Variants in RHOBTB1 observed in about 807,000 individuals in gnomAD.
The protein encoded by RHOBTB1 is rho-related BTB domain-containing protein 1.
A neutral mutation model predicts 71.6 loss-of-function variants in RHOBTB1; 40 were observed. The ratio of observed to expected loss-of-function variants is 0.56; its 90% CI spans 0.43 to 0.73. The LOEUF is 0.73. Among genes scored for constraint, RHOBTB1 ranks in the 30% least tolerant of loss-of-function variants. The pLI is 0.00. For missense variants in RHOBTB1, 797 were observed against 894.0 expected (o/e 0.89, Z 1.38); for synonymous variants, 319 against 334.9 (o/e 0.95, Z 0.52).
At chr10:60,934,385 C>T (rs1198916111) in intron 2 of RHOBTB1, among the ~76,000 whole-genome samples, 3 of 152,168 alleles carry the variant, frequency 2.0e-5, no homozygotes. Context: ...ATAGGCCCAA[C>T]CACAAAACCT....
chr10:60,922,383 A>G (rs970823937), intron 2 of RHOBTB1, among the ~76,000 whole-genome samples: 2 of 152,172 alleles, frequency 1.3e-5, no homozygotes, highest in South Asian at 2.1e-4. Flanking sequence ...CTCCTTTACC[A>G]TCATCTCATT....
upstream of RHOBTB1, among the ~76,000 whole-genome samples, chr10:60,947,409 C>A (rs2085273497): frequency 6.6e-6 from 1 of 152,108 alleles, no homozygotes; most frequent in South Asian, 2.1e-4. Flanking sequence ...TAAAAAAAAT[C>A]CCACAAGCTA....
At chr10:60,959,440 A>C (rs548566703) in intron 2 of RHOBTB1, among the ~76,000 whole-genome samples, 74 of 152,292 alleles carry the variant, frequency 4.9e-4, no homozygotes, top group African/African-American at 1.7e-3. Context: ...TTTAAAAGCT[A>C]CGTGGACAAG....
intron 2 of RHOBTB1, among the ~76,000 whole-genome samples, chr10:60,972,497 G>A (rs541980435): frequency 6.6e-6 from 1 of 152,158 alleles, no homozygotes; most frequent in South Asian, 2.1e-4. Flanking sequence ...AGAACACAGG[G>A]ACACAGGAAG....
intron 4 of RHOBTB1, among the ~76,000 whole-genome samples, chr10:60,894,309 G>T (rs541293240): frequency 6.0e-4 from 92 of 152,258 alleles, no homozygotes; most frequent in African/African-American, 2.0e-3. Context: ...AAAATCCTGA[G>T]ATTAAAATAT....
Position 60,888,429 on chromosome 10 carries a change from G to C in RHOBTB1, c.1239C>G (p.Thr413=), listed in dbSNP as rs770156188. The C allele has an allele frequency of 6.2e-7, 1 of 1,614,142 alleles. No homozygotes were observed. The highest frequency in any genetic ancestry group is 1.1e-5 in the South Asian group (1 of 91,080). Residue 413 remains threonine (T), a synonymous_variant, in exon 6 of 11, where the codon ACC becomes ACG. Coordinates refer to ENST00000337910, the MANE Select transcript of RHOBTB1 (RefSeq NM_014836.5). ...DASVQPGPFR[T]LLQFLYTGQL... is the part of the protein sequence containing the mutation. Reference sequence around the variant, plus strand: ...GTCCCGTATAAAGAAACTGGAGCAGGGTCCGAAAAGGGCCTGGCTGGACTG... The same window carrying C: ...GTCCCGTATAAAGAAACTGGAGCAGCGTCCGAAAAGGGCCTGGCTGGACTG...
At chr10:60,862,034 A>C in the RHOBTB1 span, among the ~76,000 whole-genome samples, 1 of 151,984 alleles carries the variant, frequency 6.6e-6, no homozygotes, top group Non-Finnish European at 1.5e-5. Flanking sequence ...CGGGTTCTAC[A>C]TGGGCTCTAA....
At chr10:60,951,240 C>T (rs2085398196) in intron 2 of RHOBTB1, among the ~76,000 whole-genome samples, 1 of 152,118 alleles carries the variant, frequency 6.6e-6, no homozygotes, top group African/African-American at 2.4e-5. Context: ...GCTTTAGAAA[C>T]ACCAGTGTCC....
chr10:60,938,638 A>G (rs577120899), intron 2 of RHOBTB1, among the ~76,000 whole-genome samples: 1 of 152,352 alleles, frequency 6.6e-6, no homozygotes, highest in East Asian at 1.9e-4. Flanking sequence ...CAAAATTTAC[A>G]AAGTAGAAAC....
At chr10:60,986,433 A>ATAAT (rs35572813) in intron 1 of RHOBTB1, among the ~76,000 whole-genome samples, 3 of 136,402 alleles carry the variant, frequency 2.2e-5, no homozygotes, top group Non-Finnish European at 4.6e-5. Context: ...ATATATATAA[A>ATAAT]ATATATATAG....
At chr10:60,882,362 A>C (rs1422940067) in intron 7 of RHOBTB1, among the ~76,000 whole-genome samples, 2 of 152,176 alleles carry the variant, frequency 1.3e-5, no homozygotes, top group African/African-American at 4.8e-5. Flanking sequence ...AGTATCCTAG[A>C]TCCAAAGCAT....
intron 8 of RHOBTB1, among the ~76,000 whole-genome samples, chr10:60,875,929 A>T (rs2081031724): frequency 6.6e-6 from 1 of 152,202 alleles, no homozygotes; most frequent in South Asian, 2.1e-4. Context: ...TTTGACATTG[A>T]TGTCATCTGT....
In RHOBTB1 at chr10:60,871,316, T is replaced by C. The variant is rs1334193294; in HGVS notation, c.*166A>G. 3 of 619,776 alleles carry C rather than the reference T, an allele frequency of 4.8e-6. No individual in the cohort carries two copies. The highest frequency in any genetic ancestry group is 8.1e-6 in the Non-Finnish European group (3 of 370,104). 38.4% of individuals were successfully genotyped at this position (619,776 alleles called of 1,614,324 possible). ...TCCAGGCTCATTGATGGTGAGCTTGTGCTTTGATCCTAACAAAGATAAATG... is the reference window on the plus strand; with the variant it reads ...TCCAGGCTCATTGATGGTGAGCTTGCGCTTTGATCCTAACAAAGATAAATG... On this transcript the variant is annotated 3_prime_UTR_variant, in exon 11 of 11. Coordinates refer to ENST00000337910, the MANE Select transcript of RHOBTB1 (RefSeq NM_014836.5).
downstream of RHOBTB1, among the ~76,000 whole-genome samples, chr10:60,868,527 A>G (rs2080653400): frequency 6.6e-6 from 1 of 152,194 alleles, no homozygotes; most frequent in African/African-American, 2.4e-5. Flanking sequence ...TTTGACAACT[A>G]ATATACCATA....
intron 2 of RHOBTB1, among the ~76,000 whole-genome samples, chr10:60,959,769 G>A (rs1018797344): frequency 1.9e-4 from 29 of 152,138 alleles, no homozygotes; most frequent in Non-Finnish European, 4.3e-4. Context: ...GACTTGGAAT[G>A]AATCAGAACT....
chr10:60,881,949 AAAC>A (rs879739618), intron 7 of RHOBTB1, among the ~76,000 whole-genome samples: 1 of 152,112 alleles, frequency 6.6e-6, no homozygotes, highest in South Asian at 2.1e-4. Context: ...TCTTTTTGGC[AAAC>A]AACATTAGGG....
Position 60,897,085 on chromosome 10 carries a change from T to C in RHOBTB1, c.297-4090A>G, listed in dbSNP as rs529276221. ...GGAGTACATGCAAAGTTGGGACCAA[T>C]CTTTGTTGGAGGATTAAAGAAAAAA... On this transcript the variant is annotated intron_variant, in intron 4 of 10. Coordinates refer to ENST00000337910, the MANE Select transcript of RHOBTB1 (RefSeq NM_014836.5). Among the ~76,000 whole-genome samples, 7 of 152,244 alleles carry C rather than the reference T, an allele frequency of 4.6e-5. No individual in the cohort carries two copies. The South Asian group carries it at 1.2e-3, about 27-fold the overall frequency.
chr10:60,932,513 T>TAAAAAAAAAA lies in RHOBTB1; in HGVS notation c.-11+9281_-11+9290dup, dbSNP rs3049595. Among the ~76,000 whole-genome samples the TAAAAAAAAAA allele has an allele frequency of 6.5e-5, 7 of 107,892 alleles. 1 individual carries two copies. The highest frequency in any genetic ancestry group is 9.3e-3 in the Middle Eastern group (2 of 214). 70.8% of individuals were successfully genotyped at this position (107,892 alleles called of 152,430 possible). A position where few individuals can be genotyped will look rare whatever the true frequency, so the allele number is the denominator to read the frequency against. ...GTTATACTTCAATACTTTCTTAAAGTAAAAAAAAAAAAAAAAAAAGACAGA... is the reference window on the plus strand; with the variant it reads ...GTTATACTTCAATACTTTCTTAAAGTAAAAAAAAAAAAAAAAAAAAAAAAAAAAAGACAGA... On this transcript the variant is annotated intron_variant, in intron 2 of 10. Coordinates refer to ENST00000337910, the MANE Select transcript of RHOBTB1 (RefSeq NM_014836.5).
At chr10:60,913,650 G>C (rs550699761) in intron 2 of RHOBTB1, among the ~76,000 whole-genome samples, 2 of 152,270 alleles carry the variant, frequency 1.3e-5, no homozygotes, top group South Asian at 4.1e-4. Flanking sequence ...AGGGAGTTCT[G>C]CTTCTAGTGG....
Sources: allele counts gnomAD v4.1 joint callset (sites outside exome capture counted in the v4.1 genomes callset), GRCh38; gene constraint gnomAD v4.1.1; transcripts MANE v1.5; gene names NCBI Gene and HGNC (gene_info 2026-07-23, HGNC 2026-07-21).